Variants in CSMD1 observed in about 807,000 individuals in gnomAD.
CSMD1 encodes CUB and Sushi multiple domains 1.
CSMD1 carries 213 observed loss-of-function variants against 417.5 expected under a neutral mutation model. The observed-to-expected ratio is 0.51, with a 90% CI of 0.46 to 0.57. CSMD1 has a LOEUF of 0.57. Ranked by LOEUF, CSMD1 falls within the 20% of genes least tolerant of loss-of-function variation. The pLI, the probability that CSMD1 is intolerant of heterozygous loss-of-function variation, is 0.00. For missense variants in CSMD1, 6,923 were observed against 4,529.7 expected, an observed-to-expected ratio of 1.53 and a Z score of -15.17; for synonymous variants, 2,862 against 1,736.8, an observed-to-expected ratio of 1.65 and a Z score of -16.11.
intron 3 of CSMD1, among the ~76,000 whole-genome samples, chr8:4,046,867 C>T (rs1027271781): frequency 6.6e-6 from 1 of 152,040 alleles, no homozygotes; most frequent in African/African-American, 2.4e-5. Flanking sequence ...TTCCAGGAGC[C>T]CCACAGAGAA....
intron 16 of CSMD1, among the ~76,000 whole-genome samples, chr8:3,397,881 A>G (rs1241096825): frequency 2.0e-5 from 3 of 152,192 alleles, no homozygotes; most frequent in African/African-American, 7.2e-5. Flanking sequence ...TTGTGCGCAC[A>G]ATCCCATCCT....
At chr8:4,467,658 C>T (rs1315801882) in intron 2 of CSMD1, among the ~76,000 whole-genome samples, 1 of 152,140 alleles carries the variant, frequency 6.6e-6, no homozygotes, top group Non-Finnish European at 1.5e-5. Flanking sequence ...CCTTTCTTGT[C>T]CACATGAACC....
intron 3 of CSMD1, among the ~76,000 whole-genome samples, chr8:4,158,845 T>C (rs1437873137): frequency 6.6e-6 from 1 of 152,182 alleles, no homozygotes; most frequent in African/African-American, 2.4e-5. Flanking sequence ...AGGAAGTCAG[T>C]TTTCAGAATC....
chr8:3,040,578 G>C (rs991675484), intron 50 of CSMD1, among the ~76,000 whole-genome samples: 1 of 151,858 alleles, frequency 6.6e-6, no homozygotes, highest in African/African-American at 2.4e-5. Flanking sequence ...GACGAGGCAG[G>C]TGGATCACGA....
At chr8:3,352,758 T>G (rs1808499757) in intron 21 of CSMD1, among the ~76,000 whole-genome samples, 1 of 152,174 alleles carries the variant, frequency 6.6e-6, no homozygotes, top group Non-Finnish European at 1.5e-5. Flanking sequence ...GAGACTTGCT[T>G]GAACCCAGGA....
At chr8:3,255,052 G>A (rs1800549547) in intron 26 of CSMD1, among the ~76,000 whole-genome samples, 1 of 152,150 alleles carries the variant, frequency 6.6e-6, no homozygotes, top group Non-Finnish European at 1.5e-5. Context: ...GGGTTTTGGT[G>A]TGGATGTCCT....
intron 11 of CSMD1, among the ~76,000 whole-genome samples, chr8:3,492,314 C>A (rs1275400012): frequency 2.6e-5 from 4 of 152,094 alleles, no homozygotes; most frequent in Non-Finnish European, 4.4e-5. Flanking sequence ...TCCTCAGAAG[C>A]CGCCCATGGC....
chr8:4,089,762 G>T (rs1415268172), intron 3 of CSMD1, among the ~76,000 whole-genome samples: 2 of 152,090 alleles, frequency 1.3e-5, no homozygotes, highest in Non-Finnish European at 2.9e-5. Flanking sequence ...TAGTTTGGGG[G>T]TATTTTTGTT....
chr8:4,257,825 G>A (rs1362141903), intron 3 of CSMD1, among the ~76,000 whole-genome samples: 4 of 152,194 alleles, frequency 2.6e-5, no homozygotes, highest in Admixed American at 6.5e-5. Context: ...TGCATGCATA[G>A]GGAATACAGA....
At chr8:4,390,497 T>TTTTATTTATTTTATTTATTTA (rs1803772211) in intron 3 of CSMD1, among the ~76,000 whole-genome samples, 1 of 140,324 alleles carries the variant, frequency 7.1e-6, no homozygotes, top group African/African-American at 2.7e-5. Context: ...AAGCGTCCAT[T>TTTTATTTATTTTATTTATTTA]TTTATTTATT....
chr8:3,606,570 A>G (rs1801625194), intron 8 of CSMD1, among the ~76,000 whole-genome samples: 1 of 152,092 alleles, frequency 6.6e-6, no homozygotes, highest in Admixed American at 6.6e-5. Context: ...GTGGTGAGTG[A>G]ATGTGAGGGC....
intron 3 of CSMD1, among the ~76,000 whole-genome samples, chr8:4,286,218 C>T (rs1504757): frequency 0.2 from 30,223 of 152,060 alleles, 3,798 homozygotes; most frequent in Non-Finnish European, 0.27. Context: ...CTCTGTAATT[C>T]CTTCTTGCCA....
chr8:3,906,789 A>G (rs375337596), intron 5 of CSMD1, among the ~76,000 whole-genome samples: 2 of 152,206 alleles, frequency 1.3e-5, no homozygotes, highest in East Asian at 3.8e-4. Context: ...TATTGAACAT[A>G]TATACAGACA....
At chr8:3,136,541 A>G (rs1214806326) in intron 41 of CSMD1, among the ~76,000 whole-genome samples, 1 of 152,168 alleles carries the variant, frequency 6.6e-6, no homozygotes, top group Admixed American at 6.5e-5. Context: ...CTGGGATTAC[A>G]GACATGAGCC....
intron 3 of CSMD1, among the ~76,000 whole-genome samples, chr8:4,142,235 T>A (rs73178335): frequency 2.7e-4 from 41 of 151,032 alleles, no homozygotes; most frequent in Admixed American, 2.0e-4. Flanking sequence ...ATAGTGATAC[T>A]TAATTTACTA....
chr8:3,892,463 G>C (rs376668712), intron 5 of CSMD1, among the ~76,000 whole-genome samples: 1 of 152,022 alleles, frequency 6.6e-6, no homozygotes, highest in Non-Finnish European at 1.5e-5. Flanking sequence ...CATTCATTCA[G>C]GCCCCAACTA....
At chr8:3,589,469 AT>A (rs1415408828) in intron 8 of CSMD1, among the ~76,000 whole-genome samples, 2 of 152,084 alleles carry the variant, frequency 1.3e-5, no homozygotes, top group African/African-American at 4.8e-5. Flanking sequence ...AAATCTTGCC[AT>A]TTGTGACAAC....
intron 3 of CSMD1, among the ~76,000 whole-genome samples, chr8:4,239,589 C>G (rs1200981857): frequency 1.3e-5 from 2 of 152,158 alleles, no homozygotes; most frequent in African/African-American, 4.8e-5. Context: ...AATCCCCTAG[C>G]CACCTGCCTC....
chr8:4,504,846 T>G (rs564024543), intron 2 of CSMD1, among the ~76,000 whole-genome samples: 10 of 152,330 alleles, frequency 6.6e-5, no homozygotes, highest in African/African-American at 2.4e-4. Context: ...TATTCCATGA[T>G]ATATATGTGC....
Sources: gnomAD v4.1 joint callset for allele counts (sites outside exome capture counted in the v4.1 genomes callset) on GRCh38, gnomAD v4.1.1 for gene constraint, MANE v1.5 for transcripts, NCBI Gene and HGNC (gene_info 2026-07-23, HGNC 2026-07-21) for gene names.